Variants in CCDC192 observed in about 807,000 individuals in gnomAD.
CCDC192 encodes coiled-coil domain-containing protein 192.
chr5:127,913,923 A>G, intron 6 of CCDC192, among the ~76,000 whole-genome samples: 1 of 152,254 alleles, frequency 6.6e-6, no homozygotes, highest in South Asian at 2.1e-4. Flanking sequence ...GAAGGAATAC[A>G]TAGCTATGCC....
chr5:127,856,566 C>T lies in CCDC192; in HGVS notation c.412-18972C>T, dbSNP rs146125322. Among the ~76,000 whole-genome samples the T allele has an allele frequency of 2.4e-3, 360 of 152,360 alleles. 1 individual carries two copies. Among genetic ancestry groups the T allele is most frequent in the African/African-American group, 8.4e-3 (351 of 41,596 alleles). ...TCTATGGTGCAACAGGCCTAGCTTT[C>T]AGCTTATCTTGGCTTTCAACATGCC... is the stretch of plus-strand genomic sequence containing the variant. On this transcript the variant is annotated intron_variant, in intron 5 of 6. Coordinates refer to ENST00000514853, the MANE Select transcript of CCDC192 (RefSeq NM_001317938.2).
chr5:127,863,498 A>G (rs1751460460), intron 5 of CCDC192, among the ~76,000 whole-genome samples: 1 of 152,238 alleles, frequency 6.6e-6, no homozygotes, highest in Non-Finnish European at 1.5e-5. Flanking sequence ...GGTACCTAGA[A>G]GAGTCAAATA....
chr5:127,804,442 C>T (rs1757672815), intron 5 of CCDC192, among the ~76,000 whole-genome samples: 1 of 152,194 alleles, frequency 6.6e-6, no homozygotes, highest in Admixed American at 6.5e-5. Flanking sequence ...AGAGAAAAAA[C>T]AGTTGGAGCT....
intron 5 of CCDC192, among the ~76,000 whole-genome samples, chr5:127,813,029 G>T (rs1249916745): frequency 6.6e-6 from 1 of 152,204 alleles, no homozygotes; most frequent in African/African-American, 2.4e-5. Context: ...ATCAAATGCA[G>T]CTGATTTTAC....
chr5:127,744,110 G>A (rs868289845), intron 2 of CCDC192, among the ~76,000 whole-genome samples: 13 of 121,790 alleles, frequency 1.1e-4, no homozygotes, highest in East Asian at 2.2e-4. Context: ...AAAAAAAAAA[G>A]GAAAAAAAAA....
chr5:127,886,457 T>C (rs1752561968), intron 6 of CCDC192, among the ~76,000 whole-genome samples: 2 of 152,200 alleles, frequency 1.3e-5, no homozygotes. Flanking sequence ...CTTCTGCCTC[T>C]GCCACCCCTG....
intron 6 of CCDC192, among the ~76,000 whole-genome samples, chr5:127,892,754 G>C (rs1308682203): frequency 1.3e-5 from 2 of 152,080 alleles, no homozygotes; most frequent in East Asian, 3.9e-4. Flanking sequence ...TGTTATAGTT[G>C]GCCAAATGTG....
chr5:127,743,516 T>C (rs940967238), intron 2 of CCDC192, among the ~76,000 whole-genome samples: 6 of 152,154 alleles, frequency 3.9e-5, no homozygotes, highest in Non-Finnish European at 8.8e-5. Context: ...TAGAATCAAG[T>C]CAGATATAGA....
At chr5:127,738,218 G>A (rs1753147959) in intron 2 of CCDC192, among the ~76,000 whole-genome samples, 2 of 149,946 alleles carry the variant, frequency 1.3e-5, no homozygotes, top group South Asian at 4.4e-4. Flanking sequence ...ATGAAATTCT[G>A]GGTTGAAAAT....
intron 6 of CCDC192, among the ~76,000 whole-genome samples, chr5:127,919,713 A>C (rs1753652807): frequency 6.6e-6 from 1 of 152,250 alleles, no homozygotes; most frequent in Non-Finnish European, 1.5e-5. Context: ...ACTCTTTTCC[A>C]AAGCATCCTC....
intron 6 of CCDC192, among the ~76,000 whole-genome samples, chr5:127,917,658 T>G (rs778213575): frequency 5.9e-5 from 9 of 152,098 alleles, no homozygotes; most frequent in Non-Finnish European, 1.2e-4. Flanking sequence ...CACATACTAT[T>G]TATAGATTAA....
chr5:127,890,990 C>A (rs1460581896), intron 6 of CCDC192, among the ~76,000 whole-genome samples: 1 of 152,078 alleles, frequency 6.6e-6, no homozygotes, highest in Admixed American at 6.5e-5. Context: ...TATTCTGTAC[C>A]CTCACACTTC....
intron 5 of CCDC192, among the ~76,000 whole-genome samples, chr5:127,827,857 A>G (rs566068020): frequency 2.0e-5 from 3 of 152,288 alleles, no homozygotes; most frequent in Admixed American, 1.3e-4. Flanking sequence ...AACTCTACCC[A>G]TGTAAAATCC....
intron 5 of CCDC192, among the ~76,000 whole-genome samples, chr5:127,835,468 A>G (rs1749993885): frequency 6.6e-6 from 1 of 152,130 alleles, no homozygotes; most frequent in Non-Finnish European, 1.5e-5. Context: ...GCCCTCCTCA[A>G]ATGGCACTTT....
At chr5:127,787,760 A>G (rs1023185696) in intron 3 of CCDC192, among the ~76,000 whole-genome samples, 1 of 152,120 alleles carries the variant, frequency 6.6e-6, no homozygotes, top group Non-Finnish European at 1.5e-5. Flanking sequence ...TAGTTGATTT[A>G]TAGTGTAATT....
At chr5:127,838,646 A>G (rs1212870829) in intron 5 of CCDC192, 1 of 152,138 alleles carries the variant, frequency 6.6e-6, no homozygotes, top group African/African-American at 2.4e-5. Context: ...TTCTGCTACG[A>G]TGGTTACTTG....
At chr5:127,921,264 A>G (rs1308387184) in intron 6 of CCDC192, among the ~76,000 whole-genome samples, 1 of 151,990 alleles carries the variant, frequency 6.6e-6, no homozygotes, top group East Asian at 1.9e-4. Flanking sequence ...GGAAGGTAAG[A>G]AAAGAAAAGG....
chr5:127,844,948 T>G (rs1456284670), intron 5 of CCDC192, among the ~76,000 whole-genome samples: 1 of 152,208 alleles, frequency 6.6e-6, no homozygotes, highest in East Asian at 1.9e-4. Context: ...TTTATTATTT[T>G]TTAAACCAAA....
At chr5:127,849,609 C>T (rs1325621996) in intron 5 of CCDC192, among the ~76,000 whole-genome samples, 1 of 152,130 alleles carries the variant, frequency 6.6e-6, no homozygotes, top group Non-Finnish European at 1.5e-5. Flanking sequence ...CCTTAGGCTC[C>T]TAAAGCCTGT....
Sources: allele counts gnomAD v4.1 joint callset (sites outside exome capture counted in the v4.1 genomes callset), GRCh38; gene constraint gnomAD v4.1.1; transcripts MANE v1.5; gene names NCBI Gene and HGNC (gene_info 2026-07-23, HGNC 2026-07-21).